FAS: variants seen among roughly 807,000 people sequenced by gnomAD.
FAS encodes tumor necrosis factor receptor superfamily member 6.
Under a neutral mutation model 33.2 loss-of-function variants are expected in FAS, and 5 were observed. That is an observed-to-expected ratio of 0.15 (90% CI 0.08 to 0.32). FAS has a LOEUF of 0.32. Ranked by LOEUF, FAS falls within the 10% of genes least tolerant of loss-of-function variation. FAS has a pLI of 1.00. For synonymous variants in FAS, 131 were observed against 130.7 expected (o/e 1.00, Z -0.01); for missense variants, 339 against 386.0 (o/e 0.88, Z 1.02).
upstream of FAS, among the ~76,000 whole-genome samples, chr10:88,988,157 G>A (rs1436459973): frequency 1.3e-5 from 2 of 152,066 alleles, no homozygotes; most frequent in Admixed American, 6.5e-5. Flanking sequence ...AGAGAACCCT[G>A]ACTAAAAGAA....
chr10:89,013,252 T>G, intron 7 of FAS, 91 bp from the exon 8 acceptor site: 1 of 1,293,784 alleles, frequency 7.7e-7, no homozygotes, highest in Non-Finnish European at 1.1e-6. Context: ...TACTTCTTTC[T>G]GAATTAAGGA....
At chr10:88,977,374 C>A (rs1344489823) in intron 2 of FAS, among the ~76,000 whole-genome samples, 2 of 151,296 alleles carry the variant, frequency 1.3e-5, no homozygotes, top group African/African-American at 2.4e-5. Context: ...TTTCAGCTTT[C>A]TACATATGGC....
intron 1 of FAS, 104 bp from the exon 2 acceptor site, chr10:89,002,925 G>T (rs1589464325): frequency 8.4e-7 from 1 of 1,193,522 alleles, no homozygotes; most frequent in Non-Finnish European, 1.2e-6. Flanking sequence ...CATTGTCTTT[G>T]CCTGTGCACA....
chr10:88,997,351 A>G (rs1030203313), intron 1 of FAS, among the ~76,000 whole-genome samples: 1 of 152,240 alleles, frequency 6.6e-6, no homozygotes, highest in African/African-American at 2.4e-5. Context: ...ATGTAATTTC[A>G]GATGGAATTT....
At chr10:89,014,001 T>A (rs1047061243) in intron 8 of FAS, 118 bp from the exon 9 acceptor site, 1 of 1,060,218 alleles carries the variant, frequency 9.4e-7, no homozygotes, top group African/African-American at 1.6e-5. Flanking sequence ...CAGCTCTTCA[T>A]AGACCTTTAG....
At position 88,990,962 on chromosome 10, in the gene FAS, C is replaced by G; in HGVS notation, c.30+56C>G. The G allele has an allele frequency of 6.2e-7, 1 of 1,611,938 alleles. No homozygotes were observed. ...ACCCCGTCTTAGTCCCGGGGATAGG[C>G]AAAGTGGGGCGGGCGCGGGACGCGT... On this transcript the variant is annotated intron_variant, in intron 1 of 8. Coordinates refer to ENST00000652046, the MANE Select transcript of FAS (RefSeq NM_000043.6). This position sits in a 1 kb window ranked among gnomAD's most constrained non-coding sequence, Gnocchi z 4.9.
Position 88,996,424 on chromosome 10 carries a change from T to C in FAS, c.30+5518T>C, listed in dbSNP as rs9658692. ...ATAAAAGTAGAGAGTAGAATAGTGGTTACCAGAGGCTAGTTGGGGGCAAAG... is the reference window on the plus strand; with the variant it reads ...ATAAAAGTAGAGAGTAGAATAGTGGCTACCAGAGGCTAGTTGGGGGCAAAG... On this transcript the variant is annotated intron_variant, in intron 1 of 8. Transcript: ENST00000652046. 5.3e-5 allele frequency among the ~76,000 whole-genome samples: 8 copies of C among 152,198 alleles called. No individual in the cohort carries two copies. In the East Asian group the frequency reaches 1.4e-3, roughly 26 times the overall value.
At chr10:89,011,888 C>T in intron 6 of FAS, 111 bp from the exon 7 acceptor site, 1 of 1,031,038 alleles carries the variant, frequency 9.7e-7, no homozygotes, top group Non-Finnish European at 1.5e-6. Flanking sequence ...TTTTAAGTTT[C>T]ACTGAATTTC....
At chr10:88,975,656 A>G (rs1008252634) in intron 2 of FAS, among the ~76,000 whole-genome samples, 1 of 151,622 alleles carries the variant, frequency 6.6e-6, no homozygotes, top group Non-Finnish European at 1.5e-5. Context: ...TTTTTTTTCA[A>G]TGTTGGTCAA....
At chr10:88,977,147 T>C (rs1371689624) in intron 2 of FAS, among the ~76,000 whole-genome samples, 7 of 152,144 alleles carry the variant, frequency 4.6e-5, no homozygotes, top group African/African-American at 7.2e-5. Context: ...TCTTTTGCTG[T>C]GCAGAAGCTC....
intron 1 of FAS, among the ~76,000 whole-genome samples, chr10:88,991,855 A>G (rs1847248483): frequency 6.6e-6 from 1 of 152,192 alleles, no homozygotes; most frequent in Admixed American, 6.5e-5. Context: ...GCAGATGGCT[A>G]ATCAAAGAGA....
chr10:88,999,944 G>A (rs1359035301), intron 1 of FAS, among the ~76,000 whole-genome samples: 1 of 152,162 alleles, frequency 6.6e-6, no homozygotes, highest in Non-Finnish European at 1.5e-5. Flanking sequence ...CCAGTTTCTG[G>A]TGATTTGTAT....
chr10:88,980,318 C>G (rs1178384247), intron 2 of FAS, among the ~76,000 whole-genome samples: 1 of 152,136 alleles, frequency 6.6e-6, no homozygotes, highest in Non-Finnish European at 1.5e-5. Flanking sequence ...TTCTTTGAAG[C>G]TAGGGGACCT....
At chr10:88,978,836 G>A (rs1167925770) in intron 2 of FAS, among the ~76,000 whole-genome samples, 3 of 152,006 alleles carry the variant, frequency 2.0e-5, no homozygotes, top group Admixed American at 1.3e-4. Context: ...GACACCTGAA[G>A]CTATTAGAAG....
Position 89,015,732 on chromosome 10 carries a change from GT to G in FAS, c.*1285del. ...TATGGAGGATTTTTTTGCCCCTTGT[GT>G]TTGGAATTATAAAATATAGGTAAAA... On this transcript the variant is annotated 3_prime_UTR_variant, in exon 9 of 9. Transcript: ENST00000652046. 1 of 497,688 alleles carries G rather than the reference GT, an allele frequency of 2.0e-6. No individual in the cohort carries two copies. Among genetic ancestry groups the G allele is most frequent in the Non-Finnish European group, 3.9e-6 (1 of 259,624 alleles). 30.8% of individuals were successfully genotyped at this position (497,688 alleles called of 1,614,324 possible).
At chr10:88,990,505 C>T (rs1589438386), upstream of FAS, 1 of 585,268 alleles carries the variant, frequency 1.7e-6, no homozygotes, top group Non-Finnish European at 3.2e-6. The surrounding 1 kb of genome is among the most constrained non-coding windows in gnomAD (Gnocchi z 4.9). Context: ...ACCCTGACTC[C>T]TTCCTCACCC....
Position 89,013,379 on chromosome 10 carries a change from A to C in FAS, c.676+12A>C, listed in dbSNP as rs777843173. The C allele has an allele frequency of 6.2e-7, 1 of 1,611,416 alleles. No homozygotes were observed. The highest frequency in any genetic ancestry group is 8.5e-7 in the Non-Finnish European group (1 of 1,178,564). On this transcript the variant is annotated intron_variant, in intron 8 of 8. Transcript: ENST00000652046. ...AATAAATTTATCTGGTAAGGCTTTT[A>C]TCATTTTATTTCATAGAGATGGCAT...
At chr10:89,000,206 A>G (rs1227099310) in intron 1 of FAS, among the ~76,000 whole-genome samples, 1 of 152,236 alleles carries the variant, frequency 6.6e-6, no homozygotes, top group Non-Finnish European at 1.5e-5. Flanking sequence ...AAATTATAAG[A>G]CTACCAAAGA....
Position 88,970,013 on chromosome 10 carries a change from C to T in FAS, n.95-3169C>T, listed in dbSNP as rs544418594. 1.3e-3 allele frequency among the ~76,000 whole-genome samples: 198 copies of T among 152,240 alleles called. 1 individual carries two copies. The highest frequency in any genetic ancestry group is 4.6e-3 in the African/African-American group (189 of 41,536). Reference sequence around the variant, plus strand: ...TTTGGAAAAAATTGCTCATGGCAGACGTCAGATGTAACCACACTGATAACT... The same window carrying T: ...TTTGGAAAAAATTGCTCATGGCAGATGTCAGATGTAACCACACTGATAACT... On this transcript the variant is annotated intron_variant and non_coding_transcript_variant, in intron 1 of 3. Coordinates refer to the FAS transcript ENST00000688239.
Sources: allele counts gnomAD v4.1 joint callset (sites outside exome capture counted in the v4.1 genomes callset), GRCh38; gene constraint gnomAD v4.1.1; non-coding constraint Gnocchi (gnomAD v3.1); transcripts MANE v1.5; gene names NCBI Gene and HGNC (gene_info 2026-07-23, HGNC 2026-07-21).